Variants in RIPOR2 observed in about 807,000 individuals in gnomAD.
RIPOR2 encodes the protein RHO family interacting cell polarization regulator 2, also known as rho family-interacting cell polarization regulator 2.
RIPOR2 carries 39 observed loss-of-function variants against 114.5 expected under a neutral mutation model. That is an observed-to-expected ratio of 0.34 (90% CI 0.26 to 0.44). RIPOR2 has a LOEUF of 0.44. RIPOR2 is among the 20% of genes least tolerant of loss of function. The pLI is 1.00. For synonymous variants in RIPOR2, 445 were observed against 484.4 expected, an observed-to-expected ratio of 0.92 and a Z score of 1.07; for missense variants, 1,007 against 1,255.1, an observed-to-expected ratio of 0.80 and a Z score of 2.99.
intron 1 of RIPOR2, among the ~76,000 whole-genome samples, chr6:24,934,156 A>G (rs566999528): frequency 2.6e-5 from 4 of 152,188 alleles, no homozygotes; most frequent in East Asian, 1.9e-4. Context: ...ATGATTGCCA[A>G]TTTTTCCGTT....
intron 1 of RIPOR2, among the ~76,000 whole-genome samples, chr6:25,026,093 CTG>C (rs1776607739): frequency 6.6e-6 from 1 of 150,808 alleles, no homozygotes; most frequent in African/African-American, 2.4e-5. Context: ...TTTGAAAGCA[CTG>C]TGCTCAGCAA....
intron 1 of RIPOR2, among the ~76,000 whole-genome samples, chr6:24,989,135 A>G (rs1774669359): frequency 6.6e-6 from 1 of 152,084 alleles, no homozygotes; most frequent in East Asian, 1.9e-4. Flanking sequence ...TTGGTGATAT[A>G]TATCTGCTGA....
chr6:25,029,950 G>A (rs1054207854), intron 1 of RIPOR2, among the ~76,000 whole-genome samples: 11 of 152,082 alleles, frequency 7.2e-5, no homozygotes, highest in Non-Finnish European at 2.9e-5. Flanking sequence ...TTTAACTCAA[G>A]GTAGGGAAAG....
intron 1 of RIPOR2, among the ~76,000 whole-genome samples, chr6:24,943,892 A>C (rs1255345648): frequency 1.3e-5 from 2 of 152,236 alleles, no homozygotes; most frequent in East Asian, 1.9e-4. Context: ...CTTTTTATTT[A>C]ATCTGATTTA....
At chr6:24,895,918 G>A (rs991795406) in intron 1 of RIPOR2, among the ~76,000 whole-genome samples, 2 of 152,186 alleles carry the variant, frequency 1.3e-5, no homozygotes, top group African/African-American at 2.4e-5. Flanking sequence ...GTGAACCCGG[G>A]AGGCGGAGCT....
chr6:24,835,608 A>G, intron 15 of RIPOR2, 95 bp downstream of exon 15: 1 of 1,300,514 alleles, frequency 7.7e-7, no homozygotes, highest in Admixed American at 2.0e-5. Context: ...TTATTCCTGA[A>G]TTCTCATTTC....
At chr6:25,026,515 C>T (rs1776633413) in intron 1 of RIPOR2, among the ~76,000 whole-genome samples, 1 of 152,176 alleles carries the variant, frequency 6.6e-6, no homozygotes, top group Non-Finnish European at 1.5e-5. Flanking sequence ...GAAATGCTTC[C>T]TGTTTATCCT....
At chr6:24,943,725 C>A (rs1316425386) in intron 1 of RIPOR2, among the ~76,000 whole-genome samples, 1 of 152,014 alleles carries the variant, frequency 6.6e-6, no homozygotes, top group Non-Finnish European at 1.5e-5. Context: ...CAGCAGCCTG[C>A]AATCACAGTG....
At chr6:25,009,888 T>C (rs1223373021) in intron 1 of RIPOR2, among the ~76,000 whole-genome samples, 1 of 151,800 alleles carries the variant, frequency 6.6e-6, no homozygotes, top group Admixed American at 6.6e-5. Flanking sequence ...CTGGGCCAAG[T>C]GGGTTTTGTG....
At chr6:25,004,431 AGGGT>A (rs1775456450) in intron 1 of RIPOR2, among the ~76,000 whole-genome samples, 1 of 152,112 alleles carries the variant, frequency 6.6e-6, no homozygotes, top group African/African-American at 2.4e-5. Context: ...TGGCCTGGAG[AGGGT>A]AACAGCTTCT....
At chr6:24,854,543 T>C (rs1763255732) in intron 8 of RIPOR2, among the ~76,000 whole-genome samples, 1 of 152,204 alleles carries the variant, frequency 6.6e-6, no homozygotes, top group Admixed American at 6.5e-5. Flanking sequence ...CTTTAATCAG[T>C]TGTTTCTGGC....
At chr6:24,901,548 G>A (rs1038964629) in intron 1 of RIPOR2, among the ~76,000 whole-genome samples, 1 of 152,118 alleles carries the variant, frequency 6.6e-6, no homozygotes, top group Non-Finnish European at 1.5e-5. Flanking sequence ...TTTTTGGAAT[G>A]TCATGGGAGC....
chr6:25,020,243 T>G (rs541066887), intron 1 of RIPOR2, among the ~76,000 whole-genome samples: 1 of 152,344 alleles, frequency 6.6e-6, no homozygotes, highest in Non-Finnish European at 1.5e-5. Flanking sequence ...TGTCTCCTTA[T>G]GTGTTAGTGA....
At chr6:24,875,587 G>GT (rs1046586190) in intron 2 of RIPOR2, 104 bp downstream of exon 2, 13 of 1,057,162 alleles carry the variant, frequency 1.2e-5, no homozygotes, top group Middle Eastern at 3.1e-4. Flanking sequence ...GGAGGAGGCC[G>GT]GGGGGCGGTT....
chr6:25,024,002 C>T, intron 1 of RIPOR2: 5 of 745,382 alleles, frequency 6.7e-6, no homozygotes, highest in Non-Finnish European at 1.2e-5. Context: ...TGCTGCTTTG[C>T]GTATTCCATC....
intron 1 of RIPOR2, among the ~76,000 whole-genome samples, chr6:24,945,929 T>TC (rs1772381613): frequency 6.6e-6 from 1 of 152,076 alleles, no homozygotes; most frequent in Non-Finnish European, 1.5e-5. Context: ...TTTTACAAAT[T>TC]CCTGTCTCAC....
intron 1 of RIPOR2, among the ~76,000 whole-genome samples, chr6:24,980,808 T>C (rs1314933002): frequency 6.6e-6 from 1 of 152,204 alleles, no homozygotes; most frequent in Non-Finnish European, 1.5e-5. Flanking sequence ...CTGATACAGC[T>C]GGGCTCTGGG....
intron 15 of RIPOR2, among the ~76,000 whole-genome samples, chr6:24,833,649 AT>A (rs141452529): frequency 0.05 from 7,578 of 152,282 alleles, 259 homozygotes; most frequent in African/African-American, 0.087. Flanking sequence ...TTCTTAGAAA[AT>A]GCACATCTTT....
At chr6:24,914,433 C>T (rs1769912083) in intron 1 of RIPOR2, among the ~76,000 whole-genome samples, 1 of 152,194 alleles carries the variant, frequency 6.6e-6, no homozygotes, top group Admixed American at 6.5e-5. Flanking sequence ...GCCAGGCACT[C>T]TGCTAAGGGC....
Sources: gnomAD v4.1 joint callset for allele counts (sites outside exome capture counted in the v4.1 genomes callset) on GRCh38, gnomAD v4.1.1 for gene constraint, MANE v1.5 for transcripts, NCBI Gene and HGNC (gene_info 2026-07-23, HGNC 2026-07-21) for gene names.